The following CNTN4 variants were observed in gnomAD, a reference collection of about 807,000 sequenced individuals.
The protein encoded by CNTN4 is contactin 4, also known as contactin-4.
A neutral mutation model predicts 122.5 loss-of-function variants in CNTN4; 77 were observed. The observed-to-expected ratio is 0.63, with a 90% confidence interval of 0.52 to 0.76. The LOEUF is 0.76. CNTN4 is among the 30% of genes least tolerant of loss of function. The pLI, the probability that CNTN4 is intolerant of heterozygous loss-of-function variation, is 0.00. For missense variants in CNTN4, 1,256 were observed against 1,259.1 expected, an observed-to-expected ratio of 1.00 and a Z score of 0.04; for synonymous variants, 512 against 447.0, an observed-to-expected ratio of 1.15 and a Z score of -1.83.
chr3:2,445,864 A>G (rs761020330), intron 3 of CNTN4, among the ~76,000 whole-genome samples: 4 of 151,986 alleles, frequency 2.6e-5, no homozygotes, highest in African/African-American at 7.3e-5. Flanking sequence ...GCTAATATCA[A>G]TTTGAGGTTT....
intron 4 of CNTN4, among the ~76,000 whole-genome samples, chr3:2,690,211 A>G (rs2085655971): frequency 6.6e-6 from 1 of 152,128 alleles, no homozygotes; most frequent in Non-Finnish European, 1.5e-5. Context: ...TACAAGTAAC[A>G]TTTCAGTTAA....
chr3:2,448,222 G>A (rs1374734775), intron 3 of CNTN4, among the ~76,000 whole-genome samples: 1 of 152,230 alleles, frequency 6.6e-6, no homozygotes. Flanking sequence ...GCAAGAGAAA[G>A]AGGTCACAAG....
intron 7 of CNTN4, among the ~76,000 whole-genome samples, chr3:2,828,608 G>A (rs2093036993): frequency 6.6e-6 from 1 of 152,048 alleles, no homozygotes; most frequent in African/African-American, 2.4e-5. Context: ...CCCAACAGAG[G>A]AACTTTATAT....
chr3:2,272,566 C>A (rs2041342903), intron 2 of CNTN4, among the ~76,000 whole-genome samples: 1 of 152,080 alleles, frequency 6.6e-6, no homozygotes, highest in Non-Finnish European at 1.5e-5. Context: ...TTTACCCTAC[C>A]AAAAGATATG....
chr3:2,865,616 G>T (rs962964390), intron 7 of CNTN4, among the ~76,000 whole-genome samples: 2 of 152,162 alleles, frequency 1.3e-5, no homozygotes, highest in Admixed American at 1.3e-4. Context: ...GGACATGTTG[G>T]CTACTCAGTG....
intron 3 of CNTN4, among the ~76,000 whole-genome samples, chr3:2,504,153 G>C (rs1186412876): frequency 6.6e-6 from 1 of 152,146 alleles, no homozygotes; most frequent in East Asian, 1.9e-4. Context: ...GAAGTTGAAA[G>C]TGACCCTAAT....
At chr3:2,571,607 C>G (rs1194397082) in intron 4 of CNTN4, 49 bp downstream of exon 4, 1 of 1,353,784 alleles carries the variant, frequency 7.4e-7, no homozygotes, top group Non-Finnish European at 1.1e-6. Context: ...CACTGTATTT[C>G]ACACTAATTC....
intron 4 of CNTN4, among the ~76,000 whole-genome samples, chr3:2,579,255 G>C (rs905559231): frequency 2.0e-5 from 3 of 152,170 alleles, no homozygotes. Flanking sequence ...AAACAATTTA[G>C]GAAGACAGGA....
intron 4 of CNTN4, among the ~76,000 whole-genome samples, chr3:2,581,792 C>T (rs1249142362): frequency 2.6e-5 from 4 of 152,040 alleles, no homozygotes. Context: ...TGTGGTAGTC[C>T]CATACAGTGG....
chr3:2,226,359 G>A (rs1191947489), intron 2 of CNTN4, among the ~76,000 whole-genome samples: 1 of 152,082 alleles, frequency 6.6e-6, no homozygotes, highest in Non-Finnish European at 1.5e-5. Context: ...GAGGAATTGT[G>A]AGTTTGGAAA....
intron 12 of CNTN4, among the ~76,000 whole-genome samples, chr3:2,918,812 C>T (rs1367741687): frequency 1.3e-5 from 2 of 152,106 alleles, no homozygotes; most frequent in Non-Finnish European, 2.9e-5. Flanking sequence ...ATGTCATGTC[C>T]TGTACACAGG....
chr3:3,033,404 A>C (rs1001281286), intron 16 of CNTN4, among the ~76,000 whole-genome samples: 2 of 152,252 alleles, frequency 1.3e-5, no homozygotes, highest in Non-Finnish European at 2.9e-5. Context: ...ATTTTTAAAA[A>C]AGGAAAGGGA....
intron 4 of CNTN4, among the ~76,000 whole-genome samples, chr3:2,584,917 G>GTAGGTAGATAGATAGATAGA (rs1553568428): frequency 6.6e-6 from 1 of 151,264 alleles, no homozygotes; most frequent in African/African-American, 2.4e-5. Flanking sequence ...AGGTAGGTAG[G>GTAGGTAGATAGATAGATAGA]TAGATAGATA....
chr3:2,600,828 G>C (rs2081011722), intron 4 of CNTN4, among the ~76,000 whole-genome samples: 3 of 151,936 alleles, frequency 2.0e-5, no homozygotes, highest in South Asian at 4.1e-4. Context: ...CAGTGTAAAA[G>C]TGTTCCTATT....
chr3:2,643,161 G>GAAAGC (rs2150130906), intron 4 of CNTN4, among the ~76,000 whole-genome samples: 1 of 152,066 alleles, frequency 6.6e-6, no homozygotes, highest in East Asian at 1.9e-4. Flanking sequence ...TTTGCTCTTA[G>GAAAGC]AAAGCTTTTT....
chr3:2,612,182 C>T (rs186472000), intron 4 of CNTN4, among the ~76,000 whole-genome samples: 77 of 151,646 alleles, frequency 5.1e-4, no homozygotes, highest in African/African-American at 1.7e-3. Flanking sequence ...GGTTACATCC[C>T]GATAAACCCA....
At chr3:2,221,912 A>G (rs1356597563) in intron 2 of CNTN4, among the ~76,000 whole-genome samples, 2 of 152,194 alleles carry the variant, frequency 1.3e-5, no homozygotes, top group Non-Finnish European at 2.9e-5. Flanking sequence ...AATAATAAGC[A>G]AAATGTGCAG....
intron 2 of CNTN4, among the ~76,000 whole-genome samples, chr3:2,109,471 A>G (rs1332186653): frequency 6.6e-6 from 1 of 152,128 alleles, no homozygotes; most frequent in African/African-American, 2.4e-5. Flanking sequence ...TTGTATATAA[A>G]AATACTTTGT....
At chr3:3,009,861 G>A (rs997520496) in intron 14 of CNTN4, among the ~76,000 whole-genome samples, 7 of 152,198 alleles carry the variant, frequency 4.6e-5, no homozygotes, top group Admixed American at 2.6e-4. Context: ...CCGTGAACAT[G>A]TAGATGAAGT....
Sources: gnomAD v4.1 joint callset for allele counts (sites outside exome capture counted in the v4.1 genomes callset) on GRCh38, gnomAD v4.1.1 for gene constraint, MANE v1.5 for transcripts, NCBI Gene and HGNC (gene_info 2026-07-23, HGNC 2026-07-21) for gene names.